GRM5: variants seen among roughly 807,000 people sequenced by gnomAD.
The protein encoded by GRM5 is glutamate metabotropic receptor 5.
In GRM5, 19 loss-of-function variants were observed where a neutral mutation model predicts 83.1. The observed-to-expected ratio is 0.23, with a 90% confidence interval of 0.16 to 0.34. The LOEUF (loss-of-function observed/expected upper bound fraction) is 0.34. Ranked by LOEUF, GRM5 falls within the 10% of genes least tolerant of loss-of-function variation. The pLI is 1.00. For missense variants in GRM5, 1,160 were observed against 1,588.3 expected, an observed-to-expected ratio of 0.73 and a Z score of 4.58; for synonymous variants, 675 against 633.6, an observed-to-expected ratio of 1.07 and a Z score of -0.98.
intron 3 of GRM5, among the ~76,000 whole-genome samples, chr11:88,756,177 A>G (rs1382876783): frequency 1.3e-5 from 2 of 152,190 alleles, no homozygotes; most frequent in Non-Finnish European, 2.9e-5. Flanking sequence ...GTGTTATTCC[A>G]GTTTCATCTT....
chr11:88,777,022 C>A (rs1401978609), intron 3 of GRM5, among the ~76,000 whole-genome samples: 1 of 152,180 alleles, frequency 6.6e-6, no homozygotes, highest in African/African-American at 2.4e-5. Flanking sequence ...TGGATAATAT[C>A]CTGAAGAGTG....
At chr11:88,711,999 T>C (rs778807401) in intron 3 of GRM5, among the ~76,000 whole-genome samples, 6 of 152,086 alleles carry the variant, frequency 3.9e-5, no homozygotes, top group Non-Finnish European at 8.8e-5. Flanking sequence ...CAGGAACCCA[T>C]TACGCACAAG....
intron 2 of GRM5, among the ~76,000 whole-genome samples, chr11:89,046,331 A>C (rs1403191018): frequency 6.6e-6 from 1 of 152,154 alleles, no homozygotes; most frequent in Non-Finnish European, 1.5e-5. Flanking sequence ...TATAAAAAGT[A>C]TTTTGTATCT....
intron 2 of GRM5, among the ~76,000 whole-genome samples, chr11:89,002,925 C>T (rs184430568): frequency 1.3e-5 from 2 of 152,166 alleles, no homozygotes; most frequent in East Asian, 3.9e-4. Context: ...TCAATTTAGC[C>T]TATCTTGCTC....
intron 2 of GRM5, among the ~76,000 whole-genome samples, chr11:88,965,659 A>C (rs867165699): frequency 1.3e-5 from 2 of 152,114 alleles, no homozygotes; most frequent in African/African-American, 4.8e-5. Context: ...ATATATCATC[A>C]GGAGTAAAAA....
intron 3 of GRM5, among the ~76,000 whole-genome samples, chr11:88,702,822 G>C (rs1162146380): frequency 6.6e-6 from 1 of 152,068 alleles, no homozygotes; most frequent in African/African-American, 2.4e-5. Context: ...CATGCACAGA[G>C]GGACAGCCAC....
At chr11:88,781,060 T>C (rs1256845248) in intron 3 of GRM5, among the ~76,000 whole-genome samples, 2 of 151,212 alleles carry the variant, frequency 1.3e-5, no homozygotes, top group Non-Finnish European at 2.9e-5. Context: ...CATATAGAGC[T>C]GGAAAAACAC....
At chr11:88,825,256 T>C (rs150034244) in intron 3 of GRM5, among the ~76,000 whole-genome samples, 5 of 152,292 alleles carry the variant, frequency 3.3e-5, no homozygotes, top group African/African-American at 7.2e-5. Context: ...TAAGGTTTGT[T>C]ATTTTCTTAA....
intron 3 of GRM5, among the ~76,000 whole-genome samples, chr11:88,774,842 T>A (rs1942814758): frequency 6.6e-6 from 1 of 152,210 alleles, no homozygotes; most frequent in African/African-American, 2.4e-5. Flanking sequence ...CTGGATTCAG[T>A]TTGCCAGTAT....
chr11:88,661,884 C>T (rs1030585535), intron 3 of GRM5, among the ~76,000 whole-genome samples: 28 of 152,202 alleles, frequency 1.8e-4, no homozygotes, highest in African/African-American at 6.3e-4. Flanking sequence ...CCCCAGCCAA[C>T]ACTAATGAAT....
Position 89,047,321 on chromosome 11 carries a change from C to G in GRM5, c.552G>C (p.Leu184=). ...ATSMDLSDKT[L]FKYFMRVVPS... is the part of the protein sequence containing the mutation. Reference sequence around the variant, plus strand: ...GCACAACCCTCATGAAATATTTGAACAGAGTCTTGTCACTCAGATCCATGC... The same window carrying G: ...GCACAACCCTCATGAAATATTTGAAGAGAGTCTTGTCACTCAGATCCATGC... Residue 184 remains leucine, a synonymous_variant, in exon 2 of 10, where the codon CTG becomes CTC. Transcript: ENST00000305447. This position sits in a 1 kb window ranked among gnomAD's most constrained non-coding sequence, Gnocchi z 5.1. 1.2e-6 allele frequency: 2 copies of G among 1,613,976 alleles called. No homozygotes were observed. Among genetic ancestry groups the G allele is most frequent in the Non-Finnish European group, 1.7e-6 (2 of 1,179,858 alleles).
chr11:89,023,441 G>A (rs1217956294), intron 2 of GRM5, among the ~76,000 whole-genome samples: 1 of 152,144 alleles, frequency 6.6e-6, no homozygotes, highest in African/African-American at 2.4e-5. Flanking sequence ...TGTAGTCTCA[G>A]AGTAATACAG....
Position 88,666,141 on chromosome 11 carries a change from A to T in GRM5, c.912-12738T>A, listed in dbSNP as rs564869344. ...CAGAAGTGGCTAAGAGATTGGACAG[A>T]TGAGAAGAGCTTTAGGCAGTCATAC... On this transcript the variant is annotated intron_variant, in intron 3 of 9. Transcript: ENST00000305447. 5.9e-5 allele frequency among the ~76,000 whole-genome samples: 9 copies of T among 152,340 alleles called. No homozygotes were observed. The South Asian group carries it at 1.9e-3, about 32-fold the overall frequency.
chr11:88,768,133 T>A (rs1008292054), intron 3 of GRM5, among the ~76,000 whole-genome samples: 6 of 151,974 alleles, frequency 3.9e-5, no homozygotes, highest in Non-Finnish European at 8.8e-5. Flanking sequence ...AAAGAGATAA[T>A]GTTTACACCC....
rs1178472089 is a variant in GRM5, at chr11:88,901,009, T to C, written c.662-50854A>G. On this transcript the variant is annotated intron_variant, in intron 2 of 9. Coordinates refer to ENST00000305447, the MANE Select transcript of GRM5 (RefSeq NM_001143831.3). ...TGTTAAAGGTAAAGCAGGTCCATGA[T>C]TTTGTGGGGATAGTAAACAGAGGCT... is the stretch of plus-strand genomic sequence containing the variant. Among the ~76,000 whole-genome samples, 17 of 152,234 alleles carry C rather than the reference T, an allele frequency of 1.1e-4. No individual in the cohort carries two copies. In the East Asian group the frequency reaches 3.1e-3, roughly 28 times the overall value.
chr11:88,874,023 A>G (rs2135564821), intron 2 of GRM5, among the ~76,000 whole-genome samples: 1 of 151,984 alleles, frequency 6.6e-6, no homozygotes, highest in East Asian at 1.9e-4. Flanking sequence ...TTGAATAATG[A>G]AGACACAGAA....
chr11:88,791,569 C>T (rs1178835141), intron 3 of GRM5, among the ~76,000 whole-genome samples: 1 of 152,070 alleles, frequency 6.6e-6, no homozygotes, highest in African/African-American at 2.4e-5. Context: ...TCATTGATAA[C>T]TTGATAACTT....
At chr11:88,562,074 C>A (rs145061161) in intron 8 of GRM5, among the ~76,000 whole-genome samples, 12 of 152,158 alleles carry the variant, frequency 7.9e-5, no homozygotes, top group African/African-American at 2.9e-4. Context: ...AAAGTAAGTT[C>A]TTTGGAGCAT....
At chr11:88,642,934 C>T (rs999112187) in intron 4 of GRM5, among the ~76,000 whole-genome samples, 3 of 152,012 alleles carry the variant, frequency 2.0e-5, no homozygotes, top group African/African-American at 7.3e-5. Context: ...TCCTGAGCTC[C>T]CCCAAATCTT....
Sources: gnomAD v4.1 joint callset for allele counts (sites outside exome capture counted in the v4.1 genomes callset) on GRCh38, gnomAD v4.1.1 for gene constraint, Gnocchi (gnomAD v3.1) non-coding constraint, MANE v1.5 for transcripts, NCBI Gene and HGNC (gene_info 2026-07-23, HGNC 2026-07-21) for gene names.